SCN2A: variants seen among roughly 807,000 people sequenced by gnomAD.
The protein encoded by SCN2A is sodium voltage-gated channel alpha subunit 2, also known as sodium channel protein type 2 subunit alpha.
Under a neutral mutation model 188.7 loss-of-function variants are expected in SCN2A, and 20 were observed. That is an observed-to-expected ratio of 0.11 (90% confidence interval 0.07 to 0.15). The LOEUF (loss-of-function observed/expected upper bound fraction) is 0.15, where lower values mean the gene tolerates loss of function less well. Among genes scored for constraint, SCN2A ranks in the 10% least tolerant of loss-of-function variants. The pLI is 1.00. For missense variants in SCN2A, 1,278 were observed against 2,445.0 expected (o/e 0.52, Z 10.07); for synonymous variants, 804 against 833.1 (o/e 0.97, Z 0.60).
At chr2:165,359,846 T>C (rs1243021892) in intron 17 of SCN2A, among the ~76,000 whole-genome samples, 4 of 151,982 alleles carry the variant, frequency 2.6e-5, no homozygotes, top group Non-Finnish European at 5.9e-5. Context: ...CAGTAGGACA[T>C]CATGACATAA....
intron 14 of SCN2A, among the ~76,000 whole-genome samples, chr2:165,333,305 C>T (rs1698800878): frequency 6.6e-6 from 1 of 151,856 alleles, no homozygotes; most frequent in Admixed American, 6.6e-5. Context: ...GGATCTGTAT[C>T]TAAGGTGAAT....
At chr2:165,351,179 C>G (rs899981328) in intron 16 of SCN2A, among the ~76,000 whole-genome samples, 4 of 152,134 alleles carry the variant, frequency 2.6e-5, no homozygotes, top group Admixed American at 2.6e-4. Flanking sequence ...ATGTGCTCCT[C>G]TATGTCAAGT....
chr2:165,322,849 T>G (rs953374859), intron 11 of SCN2A, among the ~76,000 whole-genome samples: 2 of 152,108 alleles, frequency 1.3e-5, no homozygotes, highest in Non-Finnish European at 2.9e-5. Context: ...TAGATGCCCG[T>G]AACAGGACAA....
intron 15 of SCN2A, among the ~76,000 whole-genome samples, chr2:165,343,981 G>C (rs979685320): frequency 1.3e-5 from 2 of 152,092 alleles, no homozygotes; most frequent in African/African-American, 4.8e-5. Context: ...ATTCTCACCT[G>C]TGCATTTCAG....
chr2:165,280,464 A>G (rs1255499037), intron 1 of SCN2A, among the ~76,000 whole-genome samples: 1 of 152,130 alleles, frequency 6.6e-6, no homozygotes, highest in Non-Finnish European at 1.5e-5. Flanking sequence ...TTCTGCTTTT[A>G]AGAATCTGTA....
intron 1 of SCN2A, chr2:165,290,788 A>T: frequency 1.0e-6 from 1 of 985,144 alleles, no homozygotes; most frequent in Non-Finnish European, 1.2e-6. Flanking sequence ...GGAATCTTGT[A>T]AGTATCTTGC....
rs533611032 is a variant in SCN2A at position 165,320,509 on chromosome 2, C to T, written c.1672-2647C>T. On this transcript the variant is annotated intron_variant, in intron 11 of 26. Coordinates refer to ENST00000375437, the MANE Select transcript of SCN2A (RefSeq NM_001040142.2). ...ACATTTCCCTTCCTCACTGCCTTGG[C>T]AGAGGTTCTCCATGAGAGCCCTGCC... is the stretch of plus-strand genomic sequence containing the variant. The T allele has an allele frequency of 3.9e-5, 6 of 152,426 alleles. 1 individual carries two copies. In the South Asian group the frequency reaches 1.2e-3, roughly 32 times the overall value. 9.4% of individuals were successfully genotyped at this position (152,426 alleles called of 1,614,324 possible).
intron 1 of SCN2A, among the ~76,000 whole-genome samples, chr2:165,294,503 A>G (rs1228398177): frequency 6.6e-6 from 1 of 152,074 alleles, no homozygotes; most frequent in African/African-American, 2.4e-5. Context: ...TTGTTATTTT[A>G]GGTTTCCCTC....
intron 14 of SCN2A, among the ~76,000 whole-genome samples, chr2:165,335,707 T>C (rs1698953454): frequency 6.6e-6 from 1 of 151,928 alleles, no homozygotes; most frequent in South Asian, 2.1e-4. Context: ...TTAGATATGA[T>C]ACCAAAAGCA....
At chr2:165,312,809 T>C (rs1164591789) in intron 8 of SCN2A, among the ~76,000 whole-genome samples, 1 of 152,122 alleles carries the variant, frequency 6.6e-6, no homozygotes, top group Non-Finnish European at 1.5e-5. Flanking sequence ...CACACAAAAG[T>C]CTAATGCACT....
intron 1 of SCN2A, among the ~76,000 whole-genome samples, chr2:165,246,746 A>G (rs1693864383): frequency 1.3e-5 from 2 of 151,984 alleles, no homozygotes; most frequent in African/African-American, 2.4e-5. Flanking sequence ...TCCTGCCTGC[A>G]CTTTTGCAGC....
At chr2:165,251,335 A>G (rs922308184) in intron 1 of SCN2A, among the ~76,000 whole-genome samples, 2 of 152,116 alleles carry the variant, frequency 1.3e-5, no homozygotes, top group African/African-American at 4.8e-5. Flanking sequence ...GTGGTGGTAG[A>G]AAACAAAACA....
Position 165,326,903 on chromosome 2 carries a change from G to A in SCN2A, c.2068G>A (p.Val690Ile). ...IRKRRSSSYH[V>I]SMDLLEDPTS... is the part of the protein sequence containing the mutation. ...AAAGAGACGGTCCAGTTCTTATCAT[G>A]TTTCCATGGATTTATTGGAAGATCC... The change falls in exon 13 of 27, where the codon GTT becomes ATT. Residue 690 changes from valine to isoleucine, a missense_variant. Coordinates refer to ENST00000375437, the MANE Select transcript of SCN2A (RefSeq NM_001040142.2). 1 of 1,613,958 alleles carries A rather than the reference G, an allele frequency of 6.2e-7. No individual in the cohort carries two copies. The highest frequency in any genetic ancestry group is 1.1e-5 in the South Asian group (1 of 91,080).
At chr2:165,280,649 A>C (rs1036734714) in intron 1 of SCN2A, among the ~76,000 whole-genome samples, 11 of 152,308 alleles carry the variant, frequency 7.2e-5, no homozygotes, top group Admixed American at 7.2e-4. Context: ...GACAAACTCA[A>C]ATACATAATT....
chr2:165,314,142 C>A (rs759416590), intron 10 of SCN2A, 34 bp downstream of exon 10: 11 of 1,596,416 alleles, frequency 6.9e-6, no homozygotes, highest in Middle Eastern at 1.7e-4. Flanking sequence ...CTTTGTTTTT[C>A]TTTATCTAAA....
At chr2:165,278,935 G>C (rs1254688812) in intron 1 of SCN2A, among the ~76,000 whole-genome samples, 6 of 151,920 alleles carry the variant, frequency 3.9e-5, no homozygotes, top group Non-Finnish European at 8.8e-5. Context: ...GTGAAAAAGA[G>C]AGAACGAGAA....
chr2:165,336,269 G>A (rs564913584), intron 14 of SCN2A, among the ~76,000 whole-genome samples: 1 of 151,788 alleles, frequency 6.6e-6, no homozygotes, highest in African/African-American at 2.4e-5. Context: ...ATATCTAAGA[G>A]AATTAAAAAC....
At chr2:165,256,149 G>T (rs1694314977) in intron 1 of SCN2A, among the ~76,000 whole-genome samples, 3 of 151,744 alleles carry the variant, frequency 2.0e-5, no homozygotes. Context: ...GGGACTACAG[G>T]CACCTGCCCC....
Position 165,315,838 on chromosome 2 carries a change from G to A in SCN2A, c.1671+80G>A, listed in dbSNP as rs145007580. ...GCCAGAATTTAATGGAGAGAAAACCGCCTTCCACCTGGATGGCACAATGCT... is the reference window on the plus strand; with the variant it reads ...GCCAGAATTTAATGGAGAGAAAACCACCTTCCACCTGGATGGCACAATGCT... On this transcript the variant is annotated intron_variant, in intron 11 of 26. Coordinates refer to ENST00000375437, the MANE Select transcript of SCN2A (RefSeq NM_001040142.2). 3.9e-5 allele frequency: 57 copies of A among 1,478,732 alleles called. No individual in the cohort carries two copies. In the East Asian group the frequency reaches 8.1e-4, roughly 21 times the overall value. The allele number at this position is 1,478,732 out of a possible 1,614,324, so 91.6% of individuals were successfully genotyped here. A position where few individuals can be genotyped will look rare whatever the true frequency, so the allele number is the denominator to read the frequency against.
Sources: allele counts gnomAD v4.1 joint callset (sites outside exome capture counted in the v4.1 genomes callset), GRCh38; gene constraint gnomAD v4.1.1; transcripts MANE v1.5; gene names NCBI Gene and HGNC (gene_info 2026-07-23, HGNC 2026-07-21).